TRAPPC3L: variants seen among roughly 807,000 people sequenced by gnomAD.
TRAPPC3L encodes trafficking protein particle complex subunit 3L.
A neutral mutation model predicts 23.7 loss-of-function variants in TRAPPC3L; 23 were observed. The ratio of observed to expected loss-of-function variants is 0.97; its 90% CI spans 0.70 to 1.37. TRAPPC3L has a LOEUF of 1.37. Among genes scored for constraint, TRAPPC3L ranks in the 40% most tolerant of loss-of-function variants. TRAPPC3L has a pLI of 0.00. For synonymous variants in TRAPPC3L, 81 were observed against 77.9 expected, an observed-to-expected ratio of 1.04 and a Z score of -0.21; for missense variants, 212 against 216.8, an observed-to-expected ratio of 0.98 and a Z score of 0.14.
chr6:116,500,480 C>T lies in TRAPPC3L; in HGVS notation c.426+1G>A, dbSNP rs1256247008. On this transcript the variant is annotated splice_donor_variant, in intron 4 of 4. Coordinates refer to ENST00000368602, the MANE Select transcript of TRAPPC3L (RefSeq NM_001139444.3). LOFTEE classifies it high-confidence loss of function. ...TTCATTCTTCACTTATTCAACTTTA[C>T]CATTTCCAAGGCACCTCTGATAATC... 2 of 1,545,946 alleles carry T rather than the reference C, an allele frequency of 1.3e-6. No individual in the cohort carries two copies. Among genetic ancestry groups the T allele is most frequent in the Admixed American group, 4.1e-5 (2 of 49,348 alleles).
intron 4 of TRAPPC3L, 146 bp from the exon 5 acceptor site, chr6:116,497,219 G>C (rs1771846002): frequency 5.2e-6 from 5 of 960,846 alleles, no homozygotes; most frequent in Non-Finnish European, 7.5e-6. Flanking sequence ...CCTTTACTGA[G>C]TGTCCTCCGG....
At position 116,538,893 on chromosome 6, in the gene TRAPPC3L, C is replaced by A. The variant is rs554226629; in HGVS notation, c.240+1470G>T. 4.6e-5 allele frequency among the ~76,000 whole-genome samples: 7 copies of A among 152,150 alleles called. No homozygotes were observed. In the South Asian group the frequency reaches 1.5e-3, roughly 32 times the overall value. On this transcript the variant is annotated intron_variant, in intron 3 of 4. Coordinates refer to ENST00000368602, the MANE Select transcript of TRAPPC3L (RefSeq NM_001139444.3). ...ACTACAGCTGTGCCACCACGCCCGG[C>A]TAATTTTTGTATTTTTTTGTAGAGG...
At chr6:116,538,476 G>A (rs1293166856) in intron 3 of TRAPPC3L, among the ~76,000 whole-genome samples, 3 of 152,040 alleles carry the variant, frequency 2.0e-5, no homozygotes, top group Non-Finnish European at 4.4e-5. Context: ...AAAAATAAGT[G>A]AATACATTAA....
chr6:116,532,382 G>A (rs1772793845), intron 3 of TRAPPC3L, among the ~76,000 whole-genome samples: 1 of 152,180 alleles, frequency 6.6e-6, no homozygotes, highest in African/African-American at 2.4e-5. Context: ...AATTACAGGC[G>A]TGAGCCACCG....
rs184486703 is a variant in TRAPPC3L at position 116,495,470 on chromosome 6, T to C, written c.*1484A>G. On this transcript the variant is annotated 3_prime_UTR_variant, in exon 5 of 5. Transcript: ENST00000368602. ...TTAGCTATCGTCAGTAGTTCTGCAG[T>C]AAACATGGGAGTGCAGATATCTCTT... is the stretch of plus-strand genomic sequence containing the variant. The C allele has an allele frequency of 3.9e-5, 6 of 152,320 alleles. No homozygotes were observed. The highest frequency in any genetic ancestry group is 8.8e-5 in the Non-Finnish European group (6 of 68,018). 9.4% of individuals were successfully genotyped at this position (152,320 alleles called of 1,614,324 possible). A position where few individuals can be genotyped will look rare whatever the true frequency, so the allele number is the denominator to read the frequency against.
intron 3 of TRAPPC3L, chr6:116,517,234 C>T (rs897408703): frequency 1.3e-5 from 2 of 152,128 alleles, no homozygotes; most frequent in African/African-American, 2.4e-5. Flanking sequence ...GAGACACAAA[C>T]ATTCAGACTA....
chr6:116,537,838 T>C (rs1282872059), intron 3 of TRAPPC3L, among the ~76,000 whole-genome samples: 1 of 152,210 alleles, frequency 6.6e-6, no homozygotes, highest in African/African-American at 2.4e-5. Flanking sequence ...CTAATTTTTA[T>C]TGAGTAAATA....
rs745900466 is a variant in TRAPPC3L, at chr6:116,495,591, A to G, written c.*1363T>C. ...TTTTTTGTTTTTTGAGGAACCTCCA[A>G]ACCGTTCTCCATAGTGGTTATACTA... On this transcript the variant is annotated 3_prime_UTR_variant, in exon 5 of 5. Transcript: ENST00000368602. The G allele has an allele frequency of 3.3e-5, 5 of 152,050 alleles. No homozygotes were observed. Among genetic ancestry groups the G allele is most frequent in the African/African-American group, 4.8e-5 (2 of 41,350 alleles). The allele number at this position is 152,050 out of a possible 1,614,324, so 9.4% of individuals were successfully genotyped here.
At chr6:116,516,113 T>G in intron 3 of TRAPPC3L, 2 of 1,307,234 alleles carry the variant, frequency 1.5e-6, no homozygotes, top group Non-Finnish European at 2.0e-6. Flanking sequence ...TACAAGACAA[T>G]AACACAAAGG....
chr6:116,513,720 C>T (rs931617644), intron 3 of TRAPPC3L, among the ~76,000 whole-genome samples: 1 of 152,130 alleles, frequency 6.6e-6, no homozygotes, highest in African/African-American at 2.4e-5. Flanking sequence ...TAGTCCAGAC[C>T]AACAATAGGT....
At chr6:116,532,034 T>C (rs1030425303) in intron 3 of TRAPPC3L, among the ~76,000 whole-genome samples, 2 of 152,158 alleles carry the variant, frequency 1.3e-5, no homozygotes, top group African/African-American at 2.4e-5. Context: ...CTTGTTGCTG[T>C]GGATTTGTTA....
rs772373140 is a variant in TRAPPC3L, at chr6:116,512,058, A to G, written c.241-11392T>C. ...ATGTGGCTTTCTGTGGCTCTGCTCA[A>G]TGGAACTTTCTATGAATGTGCCATG... On this transcript the variant is annotated intron_variant, in intron 3 of 4. Transcript: ENST00000368602. The G allele has an allele frequency of 5.6e-6, 9 of 1,613,934 alleles. No individual in the cohort carries two copies. The highest frequency in any genetic ancestry group is 2.7e-5 in the African/African-American group (2 of 74,924).
intron 3 of TRAPPC3L, among the ~76,000 whole-genome samples, chr6:116,513,805 C>G (rs1237893526): frequency 6.6e-6 from 1 of 152,202 alleles, no homozygotes; most frequent in Admixed American, 6.5e-5. Context: ...GGATGACTCT[C>G]TATTCTTAAG....
At chr6:116,527,045 A>G (rs1289445904) in intron 3 of TRAPPC3L, among the ~76,000 whole-genome samples, 1 of 152,210 alleles carries the variant, frequency 6.6e-6, no homozygotes, top group Admixed American at 6.5e-5. Context: ...ACTAGAAAGA[A>G]AGCAACACTC....
At chr6:116,545,354 G>T in intron 1 of TRAPPC3L, 119 bp downstream of exon 1, 1 of 748,614 alleles carries the variant, frequency 1.3e-6, no homozygotes, top group South Asian at 2.0e-5. Flanking sequence ...TCACTTCGCT[G>T]AACACTGTCT....
At chr6:116,544,151 A>AAGAG (rs141606346) in intron 1 of TRAPPC3L, among the ~76,000 whole-genome samples, 7,255 of 132,922 alleles carry the variant, frequency 0.055, 529 homozygotes, top group African/African-American at 0.17. Context: ...AAAGGTGAAG[A>AAGAG]AGAGAGAGAG....
chr6:116,524,314 C>T (rs1037897300), intron 3 of TRAPPC3L: 29 of 152,194 alleles, frequency 1.9e-4, no homozygotes, highest in African/African-American at 6.8e-4. Flanking sequence ...ATAAGGTACA[C>T]AACAAAATAA....
At chr6:116,538,886 C>T (rs1211023881) in intron 3 of TRAPPC3L, among the ~76,000 whole-genome samples, 2 of 152,180 alleles carry the variant, frequency 1.3e-5, no homozygotes, top group East Asian at 1.9e-4. Context: ...TGTGCCACCA[C>T]GCCCGGCTAA....
chr6:116,516,196 C>G, intron 3 of TRAPPC3L: 3 of 555,550 alleles, frequency 5.4e-6, no homozygotes, highest in Non-Finnish European at 8.5e-6. Context: ...CAAAGGTGCT[C>G]TTGCATTGGT....
Sources: allele counts gnomAD v4.1 joint callset (sites outside exome capture counted in the v4.1 genomes callset), GRCh38; gene constraint gnomAD v4.1.1; transcripts MANE v1.5; gene names NCBI Gene and HGNC (gene_info 2026-07-23, HGNC 2026-07-21).